The following POU2F1 variants were observed in gnomAD, a reference collection of about 807,000 sequenced individuals.
POU2F1 encodes POU domain, class 2, transcription factor 1.
Under a neutral mutation model 84.9 loss-of-function variants are expected in POU2F1, and 16 were observed. The observed-to-expected ratio is 0.19, with a 90% CI of 0.13 to 0.29. The LOEUF is 0.29. POU2F1 is among the 10% of genes least tolerant of loss of function. POU2F1 has a pLI of 1.00. For synonymous variants in POU2F1, 368 were observed against 368.3 expected (o/e 1.00, Z 0.01); for missense variants, 738 against 942.6 (o/e 0.78, Z 2.84).
intron 1 of POU2F1, among the ~76,000 whole-genome samples, chr1:167,289,684 T>A (rs2102528237): frequency 6.6e-6 from 1 of 152,350 alleles, no homozygotes; most frequent in East Asian, 1.9e-4. Flanking sequence ...CACACCAGAT[T>A]GCCATAACTT....
chr1:167,257,736 C>G (rs556162606), intron 1 of POU2F1: 1 of 150,704 alleles, frequency 6.6e-6, no homozygotes, highest in South Asian at 2.1e-4. Flanking sequence ...CACTGCTAAA[C>G]TGTGTTATCT....
chr1:167,308,562 T>C (rs1655245965), intron 1 of POU2F1, among the ~76,000 whole-genome samples: 1 of 152,174 alleles, frequency 6.6e-6, no homozygotes, highest in African/African-American at 2.4e-5. Flanking sequence ...GGTCTCACTC[T>C]GTCCCCAAGC....
intron 1 of POU2F1, among the ~76,000 whole-genome samples, chr1:167,312,249 T>TG (rs987425012): frequency 6.6e-6 from 1 of 151,624 alleles, no homozygotes; most frequent in African/African-American, 2.4e-5. Context: ...TTTTTTTTTT[T>TG]TGTGAGACAG....
At position 167,351,628 on chromosome 1, in the gene POU2F1, G is replaced by A. The variant is rs1658590650; in HGVS notation, c.128-13839G>A. On this transcript the variant is annotated intron_variant, in intron 2 of 15. Coordinates refer to ENST00000367866, the MANE Select transcript of POU2F1 (RefSeq NM_002697.4). ...GTCCTAAGGAAAACTAGATTTTATA[G>A]GAGTTAAGATTTTGGAAATATTATT... Among the ~76,000 whole-genome samples the A allele has an allele frequency of 2.0e-5, 3 of 151,736 alleles. No individual in the cohort carries two copies. The South Asian group carries it at 6.2e-4, about 32-fold the overall frequency.
chr1:167,278,922 C>T (rs1652928542), intron 1 of POU2F1, among the ~76,000 whole-genome samples: 1 of 151,904 alleles, frequency 6.6e-6, no homozygotes, highest in Non-Finnish European at 1.5e-5. Flanking sequence ...AAGTAAAACA[C>T]TTTGCAAATA....
chr1:167,400,135 C>T (rs1649106465), intron 12 of POU2F1, among the ~76,000 whole-genome samples: 1 of 151,490 alleles, frequency 6.6e-6, no homozygotes, highest in Non-Finnish European at 1.5e-5. Flanking sequence ...CAGGCGCCCG[C>T]CACCAGACCC....
At chr1:167,320,982 A>G (rs1571296266) in intron 1 of POU2F1, among the ~76,000 whole-genome samples, 1 of 152,224 alleles carries the variant, frequency 6.6e-6, no homozygotes, top group Non-Finnish European at 1.5e-5. Flanking sequence ...ATTGATCGCT[A>G]TGTATGGTTA....
chr1:167,233,815 A>G (rs1649249396), intron 1 of POU2F1, among the ~76,000 whole-genome samples: 1 of 152,208 alleles, frequency 6.6e-6, no homozygotes, highest in Admixed American at 6.5e-5. Context: ...TTTAGTGACA[A>G]GTCCACAGTT....
intron 1 of POU2F1, among the ~76,000 whole-genome samples, chr1:167,261,891 C>T (rs1051400097): frequency 1.3e-5 from 2 of 152,116 alleles, no homozygotes; most frequent in Non-Finnish European, 2.9e-5. Flanking sequence ...CACCATGTTG[C>T]CCAGGCCAGT....
chr1:167,277,705 A>G (rs188266445), intron 1 of POU2F1, among the ~76,000 whole-genome samples: 2 of 152,196 alleles, frequency 1.3e-5, no homozygotes, highest in East Asian at 1.9e-4. Flanking sequence ...ATCTATCCCA[A>G]TGGCCTCAGT....
chr1:167,236,663 G>A (rs76511314), intron 1 of POU2F1, among the ~76,000 whole-genome samples: 5,245 of 152,174 alleles, frequency 0.034, 167 homozygotes, highest in African/African-American at 0.086. Context: ...GCTTGGATCA[G>A]TCTACCTGTT....
intron 2 of POU2F1, among the ~76,000 whole-genome samples, chr1:167,351,459 C>T (rs1323253996): frequency 7.6e-6 from 1 of 130,898 alleles, no homozygotes; most frequent in Non-Finnish European, 1.5e-5. Flanking sequence ...CGCAGGGTTG[C>T]AGTGAGCCGA....
intron 13 of POU2F1, among the ~76,000 whole-genome samples, chr1:167,405,078 A>C (rs1005631103): frequency 2.0e-5 from 3 of 152,220 alleles, no homozygotes; most frequent in African/African-American, 7.2e-5. Context: ...AAATAGATGC[A>C]AGTGAGCATT....
chr1:167,362,263 TATTTATC>T (rs989346419), intron 2 of POU2F1, among the ~76,000 whole-genome samples: 2 of 152,258 alleles, frequency 1.3e-5, no homozygotes, highest in African/African-American at 4.8e-5. Flanking sequence ...TAAATTCCTC[TATTTATC>T]TGAGTAGTTG....
Position 167,235,546 on chromosome 1 carries a change from G to A in POU2F1, c.61+14588G>A, listed in dbSNP as rs191090401. 4.7e-4 allele frequency among the ~76,000 whole-genome samples: 71 copies of A among 152,272 alleles called. 1 individual carries two copies. Among genetic ancestry groups the A allele is most frequent in the Non-Finnish European group, 1.0e-4 (7 of 68,014 alleles). On this transcript the variant is annotated intron_variant, in intron 1 of 15. Coordinates refer to ENST00000367866, the MANE Select transcript of POU2F1 (RefSeq NM_002697.4). ...TACATAATGCCATCAGGACCAGTACGAGACTGGTTTGGTGATTGAGCCCAT... is the reference window on the plus strand; with the variant it reads ...TACATAATGCCATCAGGACCAGTACAAGACTGGTTTGGTGATTGAGCCCAT...
chr1:167,365,576 G>A lies in POU2F1; in HGVS notation c.228+9G>A. On this transcript the variant is annotated intron_variant, in intron 3 of 15. Coordinates refer to ENST00000367866, the MANE Select transcript of POU2F1 (RefSeq NM_002697.4). Reference sequence around the variant, plus strand: ...TTGGACATCTCCATCAGGTAGGAATGTTCTGCTCAACCATCAGTGAGAGTG... The same window carrying A: ...TTGGACATCTCCATCAGGTAGGAATATTCTGCTCAACCATCAGTGAGAGTG... The A allele has an allele frequency of 6.4e-7, 1 of 1,568,632 alleles. No individual in the cohort carries two copies. Among genetic ancestry groups the A allele is most frequent in the Non-Finnish European group, 8.7e-7 (1 of 1,154,752 alleles).
At chr1:167,369,944 A>T (rs1659902879) in intron 3 of POU2F1, among the ~76,000 whole-genome samples, 1 of 152,168 alleles carries the variant, frequency 6.6e-6, no homozygotes, top group African/African-American at 2.4e-5. Flanking sequence ...ATCTTCAAAA[A>T]AAGATTAACA....
At chr1:167,285,936 A>G (rs1190290184) in intron 1 of POU2F1, among the ~76,000 whole-genome samples, 1 of 152,208 alleles carries the variant, frequency 6.6e-6, no homozygotes, top group African/African-American at 2.4e-5. Context: ...CACAAGGAAC[A>G]AAGGAGAGAA....
chr1:167,245,032 G>T (rs916102582), intron 1 of POU2F1, among the ~76,000 whole-genome samples: 8 of 152,046 alleles, frequency 5.3e-5, no homozygotes, highest in African/African-American at 1.9e-4. Context: ...AAAATAAAAG[G>T]TCTGAGAGAG....
Sources: gnomAD v4.1 joint callset for allele counts (sites outside exome capture counted in the v4.1 genomes callset) on GRCh38, gnomAD v4.1.1 for gene constraint, MANE v1.5 for transcripts, NCBI Gene and HGNC (gene_info 2026-07-23, HGNC 2026-07-21) for gene names.